LYSMD1: variants seen among roughly 807,000 people sequenced by gnomAD.
LYSMD1 encodes lysM and putative peptidoglycan-binding domain-containing protein 1.
In LYSMD1, 9 loss-of-function variants were observed where a neutral mutation model predicts 19.3. The observed-to-expected ratio is 0.47, with a 90% CI of 0.28 to 0.81. The LOEUF (loss-of-function observed/expected upper bound fraction) is 0.81. Among genes scored for constraint, LYSMD1 ranks in the 40% least tolerant of loss-of-function variants. The probability of loss-of-function intolerance (pLI) is 0.11; values close to 1 mark genes in which losing one functional copy is unlikely to be tolerated. For missense variants in LYSMD1, 262 were observed against 279.8 expected, an observed-to-expected ratio of 0.94 and a Z score of 0.45; for synonymous variants, 111 against 111.7, an observed-to-expected ratio of 0.99 and a Z score of 0.04.
At chr1:151,156,504 A>G (rs1683226783), downstream of LYSMD1, 1 of 152,216 alleles carries the variant, frequency 6.6e-6, no homozygotes. Context: ...TATTTCCAAC[A>G]GAATTCCACT....
At chr1:151,154,561 A>C in the LYSMD1 span, among the ~76,000 whole-genome samples, 3 of 152,044 alleles carry the variant, frequency 2.0e-5, no homozygotes, top group Middle Eastern at 3.2e-3. Context: ...GAAAACAGGT[A>C]AAGACTAGGT....
the LYSMD1 span, among the ~76,000 whole-genome samples, chr1:151,148,945 A>G: frequency 6.6e-6 from 1 of 152,112 alleles, no homozygotes; most frequent in African/African-American, 2.4e-5. Flanking sequence ...TGCAACTTGT[A>G]TTTTTTTATT....
the LYSMD1 span, among the ~76,000 whole-genome samples, chr1:151,153,878 G>A: frequency 3.3e-5 from 5 of 151,774 alleles, no homozygotes; most frequent in Non-Finnish European, 5.9e-5. Context: ...AGTTGAACCC[G>A]GGAGGCAGAG....
chr1:151,151,778 A>T, the LYSMD1 span, among the ~76,000 whole-genome samples: 2 of 151,720 alleles, frequency 1.3e-5, no homozygotes, highest in African/African-American at 2.4e-5. Context: ...AAAAATACAA[A>T]ATTAGCCGGG....
At chr1:151,161,511 AT>A (rs1206111315) in intron 2 of LYSMD1, among the ~76,000 whole-genome samples, 19 of 150,356 alleles carry the variant, frequency 1.3e-4, no homozygotes, top group African/African-American at 4.7e-4. Context: ...AAAAAAAAAA[AT>A]AGTTAACTGT....
chr1:151,163,701 T>C (rs1683539432), intron 1 of LYSMD1, among the ~76,000 whole-genome samples: 1 of 151,680 alleles, frequency 6.6e-6, no homozygotes, highest in African/African-American at 2.4e-5. Context: ...CTAATTTTTG[T>C]ATTTGTTGTA....
downstream of LYSMD1, among the ~76,000 whole-genome samples, chr1:151,155,181 T>C (rs1027630769): frequency 2.0e-5 from 3 of 152,254 alleles, no homozygotes; most frequent in African/African-American, 7.2e-5. Context: ...TTTTGTTTTT[T>C]TCCTGCATGT....
chr1:151,163,780 A>G (rs1683543401), intron 1 of LYSMD1, among the ~76,000 whole-genome samples: 1 of 151,914 alleles, frequency 6.6e-6, no homozygotes, highest in Non-Finnish European at 1.5e-5. Context: ...CACCCACCTC[A>G]GCCTCCCAAA....
In LYSMD1 at chr1:151,165,883, G is replaced by C. The variant is rs1572073482; in HGVS notation, c.-625C>G. 3 of 1,058,014 alleles carry C rather than the reference G, an allele frequency of 2.8e-6. No homozygotes were observed. Among genetic ancestry groups the C allele is most frequent in the Non-Finnish European group, 4.3e-6 (3 of 700,056 alleles). 65.5% of individuals were successfully genotyped at this position (1,058,014 alleles called of 1,614,324 possible). ...TGCAAGGGCCTGGATCCAGTTGAGC[G>C]GCAAGGTCTTTGAGAAAAGACTTCA... On this transcript the variant is annotated 5_prime_UTR_variant, in exon 1 of 3. Coordinates refer to ENST00000368908, the MANE Select transcript of LYSMD1 (RefSeq NM_212551.5).
chr1:151,165,712 G>A lies in LYSMD1; in HGVS notation c.-454C>T, dbSNP rs763100055. On this transcript the variant is annotated 5_prime_UTR_variant, in exon 1 of 3. Coordinates refer to ENST00000368908, the MANE Select transcript of LYSMD1 (RefSeq NM_212551.5). ...CCCCAGGTGAACTGTCGCCGCAGAC[G>A]AAGAGCGTGAGGATTGCAAGAATTT... is the stretch of plus-strand genomic sequence containing the variant. 15 of 1,551,692 alleles carry A rather than the reference G, an allele frequency of 9.7e-6. No individual in the cohort carries two copies. The highest frequency in any genetic ancestry group is 1.2e-5 in the Non-Finnish European group (14 of 1,146,996).
downstream of LYSMD1, chr1:151,158,609 C>A: frequency 8.0e-7 from 1 of 1,252,944 alleles, no homozygotes. Flanking sequence ...AAAGAAGCAA[C>A]AGAAAAGGGA....
chr1:151,156,364 G>A (rs1239341133), downstream of LYSMD1, among the ~76,000 whole-genome samples: 1 of 152,078 alleles, frequency 6.6e-6, no homozygotes, highest in Non-Finnish European at 1.5e-5. Context: ...CAGAAATTTG[G>A]GCTTTACATC....
At chr1:151,158,801 G>A, downstream of LYSMD1, 1 of 1,614,124 alleles carries the variant, frequency 6.2e-7, no homozygotes, top group Non-Finnish European at 8.5e-7. Flanking sequence ...GATGAGACAA[G>A]CAGTGAGGTG....
At chr1:151,163,878 TTG>T (rs57906452) in intron 1 of LYSMD1, among the ~76,000 whole-genome samples, 4,951 of 141,436 alleles carry the variant, frequency 0.035, 167 homozygotes, top group African/African-American at 0.097. Context: ...TTTCCTATCT[TTG>T]TGTGTGTGTG....
chr1:151,165,222 A>AC lies in LYSMD1; in HGVS notation c.36dup (p.Ser13ValfsTer53), dbSNP rs1172020612. 6.2e-7 allele frequency: 1 copy of AC among 1,613,036 alleles called. No homozygotes were observed. Among genetic ancestry groups the AC allele is most frequent in the African/African-American group, 1.3e-5 (1 of 74,594 alleles). On this transcript the variant is annotated frameshift_variant, in exon 1 of 3. Coordinates refer to ENST00000368908, the MANE Select transcript of LYSMD1 (RefSeq NM_212551.5). LOFTEE classifies it high-confidence loss of function. ...GCCCGGCTCCCTTGAAGCAGTCCTG[A>AC]CCCCCCTGGCGGGGGCTGTCTAGAC...
Position 151,160,237 on chromosome 1 carries a change from C to CAAAAAAAAAAAAAAAAAA in LYSMD1, c.*644_*645insTTTTTTTTTTTTTTTTTT. 3.0e-4 allele frequency: 1 copy of CAAAAAAAAAAAAAAAAAA among 3,364 alleles called. No individual in the cohort carries two copies. Among genetic ancestry groups the CAAAAAAAAAAAAAAAAAA allele is most frequent in the Non-Finnish European group, 1.0e-3 (1 of 964 alleles). The allele number at this position is 3,364 out of a possible 1,614,324, so 0.2% of individuals were successfully genotyped here. On this transcript the variant is annotated 3_prime_UTR_variant, in exon 3 of 3. Coordinates refer to ENST00000368908, the MANE Select transcript of LYSMD1 (RefSeq NM_212551.5). Reference sequence around the variant, plus strand: ...GAGCCCATTCAACAGGAATGGGGTACCAAAAAAAAAAAAAAAAAGAATCAG... The same window carrying CAAAAAAAAAAAAAAAAAA: ...GAGCCCATTCAACAGGAATGGGGTACAAAAAAAAAAAAAAAAAACAAAAAAAAAAAAAAAAAGAATCAG...
chr1:151,165,888 G>T lies in LYSMD1; in HGVS notation c.-630C>A. 1 of 1,025,478 alleles carries T rather than the reference G, an allele frequency of 9.8e-7. No individual in the cohort carries two copies. The highest frequency in any genetic ancestry group is 1.5e-6 in the Non-Finnish European group (1 of 673,824). 63.5% of individuals were successfully genotyped at this position (1,025,478 alleles called of 1,614,324 possible). On this transcript the variant is annotated 5_prime_UTR_variant, in exon 1 of 3. Coordinates refer to ENST00000368908, the MANE Select transcript of LYSMD1 (RefSeq NM_212551.5). The stretch of plus-strand genomic sequence containing the variant: ...GGGCCTGGATCCAGTTGAGCGGCAA[G>T]GTCTTTGAGAAAAGACTTCATTTCC...
intron 2 of LYSMD1, among the ~76,000 whole-genome samples, chr1:151,161,324 C>T (rs373052827): frequency 2.0e-5 from 3 of 152,162 alleles, no homozygotes; most frequent in East Asian, 1.9e-4. Flanking sequence ...GGTGAAACCC[C>T]GCCTCTACTA....
chr1:151,162,066 G>C lies in LYSMD1; in HGVS notation c.215C>G (p.Thr72Ser). ...TTTCTTCAGGAAGATGGAGTCATTA[G>C]TATAAAGGCGGTTTGCACGTTTAAT... ...EQIKRANRLY[T>S]NDSIFLKKTL... The change falls in exon 2 of 3, where the codon ACT becomes AGT. Residue 72 changes from threonine to serine, a missense_variant. Transcript: ENST00000368908. 6.2e-7 allele frequency: 1 copy of C among 1,606,944 alleles called. No individual in the cohort carries two copies. Among genetic ancestry groups the C allele is most frequent in the Non-Finnish European group, 8.5e-7 (1 of 1,178,412 alleles).
Sources: gnomAD v4.1 joint callset for allele counts (sites outside exome capture counted in the v4.1 genomes callset) on GRCh38, gnomAD v4.1.1 for gene constraint, MANE v1.5 for transcripts, NCBI Gene and HGNC (gene_info 2026-07-23, HGNC 2026-07-21) for gene names.